FRMD3: variants seen among roughly 807,000 people sequenced by gnomAD.
FRMD3 encodes the protein FERM domain-containing protein 3.
A neutral mutation model predicts 70.2 loss-of-function variants in FRMD3; 33 were observed. That is an observed-to-expected ratio of 0.47 (90% confidence interval 0.36 to 0.63). The LOEUF (loss-of-function observed/expected upper bound fraction) is 0.63, where lower values mean the gene tolerates loss of function less well. Ranked by LOEUF, FRMD3 falls within the 20% of genes least tolerant of loss-of-function variation. The pLI is 0.00. For missense variants in FRMD3, 632 were observed against 711.4 expected, an observed-to-expected ratio of 0.89 and a Z score of 1.27; for synonymous variants, 279 against 255.9, an observed-to-expected ratio of 1.09 and a Z score of -0.86.
intron 13 of FRMD3, among the ~76,000 whole-genome samples, chr9:83,273,630 T>TG (rs1237925080): frequency 9.6e-6 from 1 of 103,972 alleles, no homozygotes; most frequent in Admixed American, 9.0e-5. Flanking sequence ...AAAAAAAACC[T>TG]GGGGAAAAAA....
At chr9:83,406,527 A>T (rs192151218) in intron 1 of FRMD3, among the ~76,000 whole-genome samples, 6 of 152,338 alleles carry the variant, frequency 3.9e-5, no homozygotes, top group Admixed American at 3.9e-4. Context: ...CTCACTGGTT[A>T]ATTTTAAAGA....
intron 1 of FRMD3, among the ~76,000 whole-genome samples, chr9:83,421,358 T>C (rs914901876): frequency 4.6e-5 from 7 of 152,244 alleles, no homozygotes; most frequent in Admixed American, 3.9e-4. Flanking sequence ...ATTCACATTT[T>C]TGCCTTGAAT....
chr9:83,476,844 CTT>C (rs141929762), intron 1 of FRMD3, among the ~76,000 whole-genome samples: 4,599 of 152,208 alleles, frequency 0.03, 97 homozygotes, highest in Non-Finnish European at 0.046. Context: ...GCAGCCTACA[CTT>C]TTCCTTTGTG....
intron 3 of FRMD3, among the ~76,000 whole-genome samples, chr9:83,362,872 T>G (rs1824649259): frequency 7.6e-6 from 1 of 132,380 alleles, no homozygotes; most frequent in Non-Finnish European, 1.6e-5. Context: ...CCCTCCCTCC[T>G]TCCTTCCCTC....
At chr9:83,278,238 C>T (rs529946791) in intron 13 of FRMD3, among the ~76,000 whole-genome samples, 40 of 152,070 alleles carry the variant, frequency 2.6e-4, no homozygotes, top group South Asian at 6.2e-4. Context: ...CAAGGGAGAA[C>T]GGGAAACAGT....
intron 13 of FRMD3, among the ~76,000 whole-genome samples, chr9:83,271,372 T>C (rs552643645): frequency 6.6e-6 from 1 of 152,294 alleles, no homozygotes; most frequent in South Asian, 2.1e-4. Flanking sequence ...GACTAACATA[T>C]ACTTCAGAGG....
At chr9:83,318,041 A>C (rs574693440) in intron 6 of FRMD3, among the ~76,000 whole-genome samples, 48 of 152,370 alleles carry the variant, frequency 3.2e-4, no homozygotes, top group African/African-American at 1.1e-3. Context: ...AGGACGTCTA[A>C]CTAGCCAATA....
At chr9:83,401,527 G>A (rs1825950110) in intron 1 of FRMD3, among the ~76,000 whole-genome samples, 1 of 152,176 alleles carries the variant, frequency 6.6e-6, no homozygotes, top group Non-Finnish European at 1.5e-5. Context: ...GCTAGATTAA[G>A]CTGCAGTAAC....
intron 1 of FRMD3, among the ~76,000 whole-genome samples, chr9:83,512,756 T>C (rs774948245): frequency 6.6e-6 from 1 of 152,196 alleles, no homozygotes; most frequent in Non-Finnish European, 1.5e-5. Context: ...CACTATTTCC[T>C]GGGAGGAATC....
At chr9:83,431,150 C>A (rs1307417816) in intron 1 of FRMD3, among the ~76,000 whole-genome samples, 3 of 152,224 alleles carry the variant, frequency 2.0e-5, no homozygotes, top group Admixed American at 1.3e-4. Flanking sequence ...ACATTTCCAG[C>A]TTCTTGGGAA....
the FRMD3 span, among the ~76,000 whole-genome samples, chr9:83,567,097 T>C: frequency 6.6e-6 from 1 of 152,252 alleles, no homozygotes; most frequent in African/African-American, 2.4e-5. Flanking sequence ...GACATTTCCA[T>C]ACATCTTCTG....
the FRMD3 span, among the ~76,000 whole-genome samples, chr9:83,546,036 G>C: frequency 1.3e-5 from 2 of 149,684 alleles, no homozygotes; most frequent in Non-Finnish European, 1.5e-5. Context: ...AGACAGAAGA[G>C]ATAAGGGTCC....
At chr9:83,566,167 A>G in the FRMD3 span, among the ~76,000 whole-genome samples, 4 of 152,334 alleles carry the variant, frequency 2.6e-5, no homozygotes, top group South Asian at 8.3e-4. Flanking sequence ...GAATCATGGC[A>G]GGAGGTGAAA....
intron 1 of FRMD3, among the ~76,000 whole-genome samples, chr9:83,440,545 T>C (rs1468973024): frequency 2.0e-5 from 3 of 152,134 alleles, no homozygotes; most frequent in Non-Finnish European, 4.4e-5. Context: ...TCCAGGGCAA[T>C]ATACAACACT....
At chr9:83,337,731 A>C (rs1239690283) in intron 5 of FRMD3, among the ~76,000 whole-genome samples, 1 of 152,230 alleles carries the variant, frequency 6.6e-6, no homozygotes, top group Non-Finnish European at 1.5e-5. Context: ...CTTCATTGTC[A>C]CATCATCCAA....
intron 1 of FRMD3, among the ~76,000 whole-genome samples, chr9:83,506,786 CTTTTTGACTTT>C (rs1829191685): frequency 6.6e-6 from 1 of 152,104 alleles, no homozygotes; most frequent in South Asian, 2.1e-4. Flanking sequence ...AACTTTTTAA[CTTTTTGACTTT>C]TGTAATAATA....
At chr9:83,392,785 A>T (rs940599231) in intron 1 of FRMD3, among the ~76,000 whole-genome samples, 1 of 152,182 alleles carries the variant, frequency 6.6e-6, no homozygotes, top group African/African-American at 2.4e-5. Context: ...GCCAACTTTC[A>T]TGCATCTCTC....
At chr9:83,394,363 C>T (rs1482745064) in intron 1 of FRMD3, among the ~76,000 whole-genome samples, 1 of 152,146 alleles carries the variant, frequency 6.6e-6, no homozygotes, top group African/African-American at 2.4e-5. Flanking sequence ...GAAACAATCA[C>T]ATGTCTGATT....
At chr9:83,401,083 A>G (rs1028414353) in intron 1 of FRMD3, among the ~76,000 whole-genome samples, 4 of 152,172 alleles carry the variant, frequency 2.6e-5, no homozygotes, top group African/African-American at 7.2e-5. Context: ...GAACTTCCTT[A>G]GTGCCTGGTT....
Sources: allele counts gnomAD v4.1 joint callset (sites outside exome capture counted in the v4.1 genomes callset), GRCh38; gene constraint gnomAD v4.1.1; transcripts MANE v1.5; gene names NCBI Gene and HGNC (gene_info 2026-07-23, HGNC 2026-07-21).